DIP2C: variants seen among roughly 807,000 people sequenced by gnomAD.
DIP2C encodes disco-interacting protein 2 homolog C.
In DIP2C, 33 loss-of-function variants were observed where a neutral mutation model predicts 192.4. The ratio of observed to expected loss-of-function variants is 0.17; its 90% CI spans 0.13 to 0.23. DIP2C has a LOEUF of 0.23. DIP2C is among the 10% of genes least tolerant of loss of function. The pLI, the probability that DIP2C is intolerant of heterozygous loss-of-function variation, is 1.00. For missense variants in DIP2C, 1,537 were observed against 2,110.1 expected, an observed-to-expected ratio of 0.73 and a Z score of 5.32; for synonymous variants, 979 against 864.1, an observed-to-expected ratio of 1.13 and a Z score of -2.33.
chr10:566,690 G>T (rs538502885), intron 1 of DIP2C, among the ~76,000 whole-genome samples: 1 of 152,316 alleles, frequency 6.6e-6, no homozygotes, highest in African/African-American at 2.4e-5. Context: ...CCATGGAGGC[G>T]GTGTTCTCAA....
At chr10:519,083 G>A (rs149825224) in intron 1 of DIP2C, among the ~76,000 whole-genome samples, 172 of 152,234 alleles carry the variant, frequency 1.1e-3, no homozygotes, top group South Asian at 6.6e-3. Flanking sequence ...ACCCCCACCT[G>A]CAGCCCAAGG....
At chr10:341,034 G>A (rs1342357819) in intron 29 of DIP2C, 165 bp downstream of exon 29, 1 of 996,200 alleles carries the variant, frequency 1.0e-6, no homozygotes. Flanking sequence ...CTTTCCCCGA[G>A]AGCCAAGTCC....
chr10:532,387 G>A (rs1317316849), intron 1 of DIP2C, among the ~76,000 whole-genome samples: 1 of 152,280 alleles, frequency 6.6e-6, no homozygotes, highest in East Asian at 1.9e-4. Flanking sequence ...GCCTTAACAG[G>A]TGGTCCCAGC....
At chr10:371,505 G>C (rs1041823340) in intron 17 of DIP2C, among the ~76,000 whole-genome samples, 2 of 152,230 alleles carry the variant, frequency 1.3e-5, no homozygotes, top group African/African-American at 4.8e-5. Flanking sequence ...CCTTGTAAGA[G>C]AAAAGAGAGG....
At chr10:649,277 A>C (rs1236648150) in intron 1 of DIP2C, among the ~76,000 whole-genome samples, 28 of 105,286 alleles carry the variant, frequency 2.7e-4, no homozygotes, top group South Asian at 6.3e-4. Context: ...AGTCCACGTC[A>C]ACATTTGAGG....
chr10:548,911 CAAAAAAAAAA>C (rs61437915), intron 1 of DIP2C, among the ~76,000 whole-genome samples: 606 of 26,480 alleles, frequency 0.023, 8 homozygotes, highest in Middle Eastern at 0.083. Flanking sequence ...TAGCAGCTCA[CAAAAAAAAAA>C]AAAAAAAAAA....
At chr10:311,601 G>T in intron 31 of DIP2C, 1 of 1,232,106 alleles carries the variant, frequency 8.1e-7, no homozygotes, top group Non-Finnish European at 1.0e-6. Context: ...GAGAAGAGAG[G>T]AGAGAACACC....
Position 382,758 on chromosome 10 carries a change from G to C in DIP2C, c.1880C>G (p.Ser627Cys). ...LIVADGANPW[S>C]ISSCDAFLNV... ...GAGAAATGCATCGCAAGAAGAAATAGACCCTAGAGTGAAAGAGGGACAATG... is the reference window on the plus strand; with the variant it reads ...GAGAAATGCATCGCAAGAAGAAATACACCCTAGAGTGAAAGAGGGACAATG... Residue 627 changes from serine (S) to cysteine (C), a missense_variant, in exon 17 of 37, where the codon TCT (serine) becomes TGT (cysteine). Physicochemically the swap from Ser to Cys is moderately radical, Grantham distance 112. Transcript: ENST00000280886. 6.2e-7 allele frequency: 1 copy of C among 1,606,152 alleles called. No homozygotes were observed. Among genetic ancestry groups the C allele is most frequent in the South Asian group, 1.1e-5 (1 of 90,032 alleles).
At chr10:365,249 T>C (rs1208635868) in intron 19 of DIP2C, among the ~76,000 whole-genome samples, 1 of 152,232 alleles carries the variant, frequency 6.6e-6, no homozygotes, top group Non-Finnish European at 1.5e-5. Flanking sequence ...TCTCAACATT[T>C]AGACCAGCAA....
At chr10:500,042 A>G (rs1845117755) in intron 1 of DIP2C, among the ~76,000 whole-genome samples, 1 of 152,226 alleles carries the variant, frequency 6.6e-6, no homozygotes, top group African/African-American at 2.4e-5. Flanking sequence ...ACTGAGAGCA[A>G]GTTCAGACCC....
chr10:327,458 G>A (rs1957325761), intron 30 of DIP2C, among the ~76,000 whole-genome samples: 1 of 152,242 alleles, frequency 6.6e-6, no homozygotes. Context: ...TTGAGGAAAA[G>A]CAACTTCCTG....
chr10:575,793 T>C (rs987436701), intron 1 of DIP2C, among the ~76,000 whole-genome samples: 1 of 152,162 alleles, frequency 6.6e-6, no homozygotes, highest in Non-Finnish European at 1.5e-5. Flanking sequence ...CACAGTTTCC[T>C]CCCACCCAAC....
intron 1 of DIP2C, among the ~76,000 whole-genome samples, chr10:648,675 G>T (rs1027188784): frequency 7.0e-6 from 1 of 143,544 alleles, no homozygotes; most frequent in South Asian, 2.3e-4. Flanking sequence ...AGAACATAGG[G>T]AAACTGAGTC....
chr10:380,135 G>C (rs1368714328), intron 17 of DIP2C, among the ~76,000 whole-genome samples: 25 of 136,392 alleles, frequency 1.8e-4, no homozygotes, highest in African/African-American at 5.0e-4. Flanking sequence ...GTGCAGAAGA[G>C]GCTGTCCCTG....
At chr10:319,225 C>T (rs1225238966) in intron 31 of DIP2C, among the ~76,000 whole-genome samples, 2 of 152,150 alleles carry the variant, frequency 1.3e-5, no homozygotes, top group Admixed American at 6.5e-5. Context: ...CTTCTTTCAA[C>T]AATCCATGAC....
chr10:564,954 T>C (rs1288552908), intron 1 of DIP2C, among the ~76,000 whole-genome samples: 1 of 152,186 alleles, frequency 6.6e-6, no homozygotes, highest in Non-Finnish European at 1.5e-5. Flanking sequence ...AAAACCACAT[T>C]AGAACTCAGT....
chr10:575,220 A>G (rs977412850), intron 1 of DIP2C, among the ~76,000 whole-genome samples: 12 of 152,248 alleles, frequency 7.9e-5, no homozygotes, highest in African/African-American at 2.9e-4. Context: ...TAATACTTAG[A>G]AGACAAAGTT....
chr10:442,780 G>A (rs1272780122), intron 3 of DIP2C, among the ~76,000 whole-genome samples: 2 of 152,136 alleles, frequency 1.3e-5, no homozygotes, highest in African/African-American at 4.8e-5. Flanking sequence ...TCAAGATCAG[G>A]AAATTTAGCT....
intron 26 of DIP2C, among the ~76,000 whole-genome samples, chr10:347,451 A>T (rs1290785946): frequency 7.9e-6 from 1 of 127,060 alleles, no homozygotes. Flanking sequence ...GCACCCAGAC[A>T]CATCGCGCAT....
Sources: gnomAD v4.1 joint callset for allele counts (sites outside exome capture counted in the v4.1 genomes callset) on GRCh38, gnomAD v4.1.1 for gene constraint, MANE v1.5 for transcripts, NCBI Gene and HGNC (gene_info 2026-07-23, HGNC 2026-07-21) for gene names.